INPP4B: variants seen among roughly 807,000 people sequenced by gnomAD.
INPP4B encodes inositol polyphosphate-4-phosphatase type II B, also known as inositol polyphosphate 4-phosphatase type II.
A neutral mutation model predicts 122.5 loss-of-function variants in INPP4B; 55 were observed. That is an observed-to-expected ratio of 0.45 (90% CI 0.36 to 0.56). The LOEUF is 0.56. Ranked by LOEUF, INPP4B falls within the 20% of genes least tolerant of loss-of-function variation. The probability of loss-of-function intolerance (pLI) is 0.00; values close to 1 mark genes in which losing one functional copy is unlikely to be tolerated. For missense variants in INPP4B, 1,000 were observed against 1,097.7 expected, an observed-to-expected ratio of 0.91 and a Z score of 1.26; for synonymous variants, 403 against 388.7, an observed-to-expected ratio of 1.04 and a Z score of -0.43.
chr4:142,048,620 G>T (rs2667096), intron 25 of INPP4B, among the ~76,000 whole-genome samples: 80,868 of 151,754 alleles, frequency 0.53, 24,851 homozygotes, highest in Non-Finnish European at 0.68. Flanking sequence ...TGAACTAAGG[G>T]TGAACGATAA....
chr4:142,288,048 A>G (rs1754639616), intron 9 of INPP4B, among the ~76,000 whole-genome samples: 1 of 152,122 alleles, frequency 6.6e-6, no homozygotes, highest in African/African-American at 2.4e-5. Context: ...CCTCACACTC[A>G]TCAAGTCATC....
At chr4:142,080,581 T>C (rs1415275205) in intron 25 of INPP4B, among the ~76,000 whole-genome samples, 1 of 152,146 alleles carries the variant, frequency 6.6e-6, no homozygotes, top group Non-Finnish European at 1.5e-5. Context: ...ATAATGTCCA[T>C]CATAGGCAAT....
intron 12 of INPP4B, among the ~76,000 whole-genome samples, chr4:142,235,611 G>C (rs1465941951): frequency 6.6e-6 from 1 of 152,000 alleles, no homozygotes; most frequent in Non-Finnish European, 1.5e-5. Context: ...ATTTTTAGTA[G>C]AGATGAAGTT....
At chr4:142,552,119 T>G (rs1288269252) in intron 2 of INPP4B, among the ~76,000 whole-genome samples, 1 of 152,160 alleles carries the variant, frequency 6.6e-6, no homozygotes, top group African/African-American at 2.4e-5. Context: ...CTGAAATCAC[T>G]CTTACAGAAT....
chr4:142,657,151 G>A (rs1754311381), intron 2 of INPP4B, among the ~76,000 whole-genome samples: 1 of 152,070 alleles, frequency 6.6e-6, no homozygotes, highest in Non-Finnish European at 1.5e-5. Flanking sequence ...TCTGTAAAAA[G>A]AGCTCTAATT....
chr4:142,232,960 G>A (rs1284881087), intron 12 of INPP4B, among the ~76,000 whole-genome samples: 1 of 152,108 alleles, frequency 6.6e-6, no homozygotes, highest in East Asian at 1.9e-4. Flanking sequence ...GCTGAGAGAG[G>A]TGAGTAAGCC....
At chr4:142,703,118 TG>T (rs1560978039) in intron 2 of INPP4B, among the ~76,000 whole-genome samples, 2 of 152,130 alleles carry the variant, frequency 1.3e-5, no homozygotes, top group African/African-American at 4.8e-5. Flanking sequence ...TGAAAAAACT[TG>T]GTACAGAACC....
intron 11 of INPP4B, among the ~76,000 whole-genome samples, chr4:142,256,497 AT>A (rs1736157256): frequency 6.6e-6 from 1 of 152,202 alleles, no homozygotes; most frequent in Non-Finnish European, 1.5e-5. Context: ...AATCAAATAG[AT>A]GCAATAAAAA....
intron 5 of INPP4B, among the ~76,000 whole-genome samples, chr4:142,415,294 A>G (rs1579995402): frequency 6.6e-6 from 1 of 152,254 alleles, no homozygotes; most frequent in Non-Finnish European, 1.5e-5. Context: ...GTGGCAGGAA[A>G]GTCAGGGCTT....
At position 142,622,778 on chromosome 4, in the gene INPP4B, T is replaced by TA. The variant is rs1293769000; in HGVS notation, c.-191+103060dup. Among the ~76,000 whole-genome samples the TA allele has an allele frequency of 5.3e-5, 8 of 152,094 alleles. No homozygotes were observed. The East Asian group carries it at 1.6e-3, about 30-fold the overall frequency. ...TCTTAGACCCTTATTTTGTTATTGT[T>TA]AAAAAAGATTTCTGCTGTAAAACAC... On this transcript the variant is annotated intron_variant, in intron 2 of 25. Coordinates refer to ENST00000262992, the MANE Select transcript of INPP4B (RefSeq NM_001101669.3).
rs774377054 is a variant in INPP4B, at chr4:142,305,438, C to T, written c.503+20G>A. The stretch of plus-strand genomic sequence containing the variant: ...CTTGTTATTAACTTTAACAGTATTT[C>T]TACAAACAAAGAGACCCACCTCAGG... On this transcript the variant is annotated intron_variant, in intron 9 of 25. Transcript: ENST00000262992. The T allele has an allele frequency of 1.9e-6, 3 of 1,573,348 alleles. No individual in the cohort carries two copies. The highest frequency in any genetic ancestry group is 1.7e-6 in the Non-Finnish European group (2 of 1,148,792).
chr4:142,772,548 T>C (rs1463815352), intron 1 of INPP4B, among the ~76,000 whole-genome samples: 1 of 152,078 alleles, frequency 6.6e-6, no homozygotes, highest in East Asian at 1.9e-4. Flanking sequence ...GTGTGGGCAG[T>C]AGCAGGAAGG....
intron 22 of INPP4B, among the ~76,000 whole-genome samples, chr4:142,109,738 C>A (rs1789037498): frequency 6.6e-6 from 1 of 152,176 alleles, no homozygotes; most frequent in African/African-American, 2.4e-5. Context: ...CCTGTTCCTT[C>A]CACACCTTTA....
At chr4:142,844,996 G>A (rs1357388155) in intron 1 of INPP4B, among the ~76,000 whole-genome samples, 1 of 152,094 alleles carries the variant, frequency 6.6e-6, no homozygotes, top group Non-Finnish European at 1.5e-5. Context: ...GTAACATCTG[G>A]AGTCATAAAA....
intron 7 of INPP4B, among the ~76,000 whole-genome samples, chr4:142,358,815 G>A (rs1784467148): frequency 6.6e-6 from 1 of 151,924 alleles, no homozygotes; most frequent in Admixed American, 6.6e-5. Context: ...GCTGGCTTGG[G>A]AAGCTGTATG....
At chr4:142,810,925 C>A (rs917680019) in intron 1 of INPP4B, among the ~76,000 whole-genome samples, 1 of 152,146 alleles carries the variant, frequency 6.6e-6, no homozygotes, top group Non-Finnish European at 1.5e-5. Context: ...AGAAGTATTT[C>A]TTCTTGTTTT....
At chr4:142,304,539 G>A (rs1762644767) in intron 9 of INPP4B, among the ~76,000 whole-genome samples, 1 of 152,040 alleles carries the variant, frequency 6.6e-6, no homozygotes. Context: ...TCCTGGCATA[G>A]AGATGCTAGC....
rs72726404 is a variant in INPP4B, at chr4:142,504,896, C to T, written c.-190-42170G>A. Among the ~76,000 whole-genome samples, 455 of 151,894 alleles carry T rather than the reference C, an allele frequency of 3.0e-3. 4 individuals carry two copies. Among genetic ancestry groups the T allele is most frequent in the Non-Finnish European group, 5.5e-3 (377 of 67,964 alleles). ...AGCAAGTGTTACCTTGCTTGCATGACGTGACGTGATGTGATGTGATTGGTA... is the reference window on the plus strand; with the variant it reads ...AGCAAGTGTTACCTTGCTTGCATGATGTGACGTGATGTGATGTGATTGGTA... On this transcript the variant is annotated intron_variant, in intron 2 of 25. Coordinates refer to ENST00000262992, the MANE Select transcript of INPP4B (RefSeq NM_001101669.3).
At chr4:142,310,355 T>C (rs551629236) in intron 8 of INPP4B, among the ~76,000 whole-genome samples, 20 of 151,870 alleles carry the variant, frequency 1.3e-4, no homozygotes, top group Non-Finnish European at 2.4e-4. Flanking sequence ...GGAATAATAT[T>C]TTGCATATAC....
Sources: allele counts gnomAD v4.1 joint callset (sites outside exome capture counted in the v4.1 genomes callset), GRCh38; gene constraint gnomAD v4.1.1; transcripts MANE v1.5; gene names NCBI Gene and HGNC (gene_info 2026-07-23, HGNC 2026-07-21).